Variants in TC2N observed in about 807,000 individuals in gnomAD.
The protein encoded by TC2N is tandem C2 domains nuclear protein.
A neutral mutation model predicts 61.9 loss-of-function variants in TC2N; 51 were observed. The ratio of observed to expected loss-of-function variants is 0.82; its 90% CI spans 0.66 to 1.04. TC2N has a LOEUF of 1.04. Ranked by LOEUF, TC2N falls within the 50% of genes least tolerant of loss-of-function variation. The pLI is 0.00. For missense variants in TC2N, 556 were observed against 566.7 expected (o/e 0.98, Z 0.19); for synonymous variants, 204 against 192.6 (o/e 1.06, Z -0.49).
intron 1 of TC2N, among the ~76,000 whole-genome samples, chr14:91,825,026 C>CTTTTT (rs5810554): frequency 1.5e-4 from 10 of 66,856 alleles, no homozygotes; most frequent in African/African-American, 3.1e-4. Flanking sequence ...TTTTTCTTTT[C>CTTTTT]TTTTTTTTTT....
chr14:91,859,790 G>A (rs527643123), intron 1 of TC2N, among the ~76,000 whole-genome samples: 1 of 152,310 alleles, frequency 6.6e-6, no homozygotes, highest in South Asian at 2.1e-4. Flanking sequence ...TGCCAAATGG[G>A]CAAAGAGAAG....
intron 11 of TC2N, among the ~76,000 whole-genome samples, chr14:91,784,618 G>C (rs542495332): frequency 4.4e-4 from 67 of 152,192 alleles, no homozygotes; most frequent in Admixed American, 1.8e-3. Flanking sequence ...AGTTCCTAGA[G>C]GACTGGCAAG....
At chr14:91,831,017 C>T (rs1220744130) in intron 1 of TC2N, among the ~76,000 whole-genome samples, 1 of 152,194 alleles carries the variant, frequency 6.6e-6, no homozygotes, top group Admixed American at 6.5e-5. Flanking sequence ...TGCAAATATA[C>T]CAAGTGCCTA....
intron 1 of TC2N, among the ~76,000 whole-genome samples, chr14:91,855,887 A>G (rs904084580): frequency 1.3e-5 from 2 of 152,124 alleles, no homozygotes; most frequent in Non-Finnish European, 2.9e-5. Context: ...AGCTCCCTCC[A>G]CTTCCTATGG....
intron 11 of TC2N, 126 bp downstream of exon 11, chr14:91,785,036 G>T: frequency 1.7e-6 from 1 of 574,750 alleles, no homozygotes; most frequent in Non-Finnish European, 2.8e-6. Context: ...TGTAGCAATT[G>T]AATTTTGATT....
intron 1 of TC2N, among the ~76,000 whole-genome samples, chr14:91,853,567 T>C (rs969283487): frequency 4.6e-5 from 7 of 151,960 alleles, no homozygotes; most frequent in African/African-American, 1.7e-4. Context: ...CATGTATCAA[T>C]TGAAGTGAAA....
chr14:91,841,681 C>T (rs181956680), intron 1 of TC2N, among the ~76,000 whole-genome samples: 183 of 152,314 alleles, frequency 1.2e-3, no homozygotes, highest in African/African-American at 4.3e-3. Context: ...CTGGGTACCA[C>T]TCCAGCAGTT....
chr14:91,805,283 T>C (rs972416524), intron 3 of TC2N, among the ~76,000 whole-genome samples: 4 of 152,230 alleles, frequency 2.6e-5, no homozygotes, highest in African/African-American at 9.6e-5. Context: ...AAAAAGCTTA[T>C]AGAGTAAGGA....
At chr14:91,790,950 A>G (rs113609140) in intron 9 of TC2N, among the ~76,000 whole-genome samples, 2,630 of 152,098 alleles carry the variant, frequency 0.017, 30 homozygotes, top group Non-Finnish European at 0.025. Flanking sequence ...AGGGCAATAT[A>G]GCAAGACCCC....
At chr14:91,816,187 G>C (rs1874480466) in intron 1 of TC2N, among the ~76,000 whole-genome samples, 1 of 151,664 alleles carries the variant, frequency 6.6e-6, no homozygotes, top group Admixed American at 6.6e-5. Flanking sequence ...GTGTAATTTT[G>C]CTTGTATTGC....
intron 8 of TC2N, among the ~76,000 whole-genome samples, chr14:91,794,047 A>T (rs113914508): frequency 6.6e-6 from 1 of 152,212 alleles, no homozygotes; most frequent in Admixed American, 6.5e-5. Context: ...GCTGATGTGG[A>T]GAGAGTTTTA....
At chr14:91,790,526 T>C (rs1885593671) in intron 9 of TC2N, among the ~76,000 whole-genome samples, 1 of 152,184 alleles carries the variant, frequency 6.6e-6, no homozygotes, top group South Asian at 2.1e-4. Context: ...GCACCTGGCA[T>C]TCAGAAAATA....
chr14:91,820,586 C>T (rs1887200701), intron 1 of TC2N, among the ~76,000 whole-genome samples: 1 of 151,270 alleles, frequency 6.6e-6, no homozygotes, highest in African/African-American at 2.4e-5. Flanking sequence ...CTTTATTCAA[C>T]ACTATATTTG....
chr14:91,783,145 A>T lies in TC2N; in HGVS notation c.1428T>A (p.Asn476Lys), dbSNP rs1885202747. The T allele has an allele frequency of 1.9e-6, 3 of 1,611,994 alleles. No homozygotes were observed. Among genetic ancestry groups the T allele is most frequent in the Non-Finnish European group, 2.5e-6 (3 of 1,178,668 alleles). The change falls in exon 12 of 12, where the codon AAT (asparagine) becomes AAA (lysine). Residue 476 changes from asparagine to lysine, a missense_variant. Transcript: ENST00000435962. ...AVNQWKETVI[N>K]PEKVVIRWHK... ...GCCACCTGATAACAACCTTTTCTGG[A>T]TTTATTACTGTCTCTTTCCACTGGT...
At chr14:91,823,174 A>G (rs981119149) in intron 1 of TC2N, among the ~76,000 whole-genome samples, 4 of 152,176 alleles carry the variant, frequency 2.6e-5, no homozygotes, top group Admixed American at 2.6e-4. Flanking sequence ...ATTACAGAAC[A>G]TTAACAGAAA....
intron 3 of TC2N, among the ~76,000 whole-genome samples, chr14:91,811,468 T>TA (rs1202575701): frequency 5.9e-5 from 9 of 151,924 alleles, no homozygotes; most frequent in East Asian, 1.9e-4. Context: ...AATTGTTTTT[T>TA]AAAAAAACAA....
chr14:91,853,308 G>A (rs970079752), intron 1 of TC2N, among the ~76,000 whole-genome samples: 1 of 152,192 alleles, frequency 6.6e-6, no homozygotes, highest in Non-Finnish European at 1.5e-5. Flanking sequence ...TATAATGAAG[G>A]TGAGAGAGGA....
chr14:91,813,912 C>G, intron 1 of TC2N, 87 bp from the exon 2 acceptor site: 1 of 483,934 alleles, frequency 2.1e-6, no homozygotes, highest in Non-Finnish European at 3.6e-6. Flanking sequence ...ATCTGTCTTT[C>G]TAAGACATAA....
At chr14:91,844,214 C>T (rs1888220810) in intron 1 of TC2N, among the ~76,000 whole-genome samples, 1 of 152,130 alleles carries the variant, frequency 6.6e-6, no homozygotes, top group Non-Finnish European at 1.5e-5. Flanking sequence ...AAGTAACATC[C>T]CCCCAGGAAA....
Sources: gnomAD v4.1 joint callset for allele counts (sites outside exome capture counted in the v4.1 genomes callset) on GRCh38, gnomAD v4.1.1 for gene constraint, MANE v1.5 for transcripts, NCBI Gene and HGNC (gene_info 2026-07-23, HGNC 2026-07-21) for gene names.